TRPM1: variants seen among roughly 807,000 people sequenced by gnomAD.
TRPM1 encodes TRPM1-203 APA Isoform, Intron 10.
Under a neutral mutation model 149.4 loss-of-function variants are expected in TRPM1, and 113 were observed. The ratio of observed to expected loss-of-function variants is 0.76; its 90% CI spans 0.65 to 0.88. The LOEUF is 0.88. Among genes scored for constraint, TRPM1 ranks in the 40% least tolerant of loss-of-function variants. TRPM1 has a pLI of 0.00. For missense variants in TRPM1, 1,976 were observed against 2,038.7 expected, an observed-to-expected ratio of 0.97 and a Z score of 0.59; for synonymous variants, 741 against 759.5, an observed-to-expected ratio of 0.98 and a Z score of 0.40.
chr15:31,122,791 C>T (rs1395966561), intron 1 of TRPM1, among the ~76,000 whole-genome samples: 1 of 152,124 alleles, frequency 6.6e-6, no homozygotes, highest in Non-Finnish European at 1.5e-5. Flanking sequence ...CCAGTCAAAA[C>T]CCCAGCAAGT....
chr15:31,010,189 A>C (rs2032132749), intron 27 of TRPM1, among the ~76,000 whole-genome samples: 1 of 152,224 alleles, frequency 6.6e-6, no homozygotes, highest in African/African-American at 2.4e-5. Context: ...TTGTTTTAGC[A>C]GGTGATCAAC....
chr15:31,039,599 CA>C (rs2033545767), intron 18 of TRPM1, among the ~76,000 whole-genome samples: 1 of 152,196 alleles, frequency 6.6e-6, no homozygotes, highest in South Asian at 2.1e-4. Context: ...GGTTTGATTG[CA>C]ATATAATTTT....
At chr15:31,037,582 G>A (rs2033450429) in intron 20 of TRPM1, 129 bp downstream of exon 20, 4 of 1,299,408 alleles carry the variant, frequency 3.1e-6, no homozygotes, top group South Asian at 2.5e-5. Context: ...TCCCAGTTTT[G>A]TTCTCATAAT....
At chr15:31,089,460 G>C (rs1402078756) in intron 1 of TRPM1, among the ~76,000 whole-genome samples, 1 of 152,224 alleles carries the variant, frequency 6.6e-6, no homozygotes, top group African/African-American at 2.4e-5. Context: ...ACCATGGCCT[G>C]CTGACCTTAG....
chr15:31,151,857 C>G (rs1019742365), intron 1 of TRPM1, among the ~76,000 whole-genome samples: 2 of 152,232 alleles, frequency 1.3e-5, no homozygotes, highest in Admixed American at 1.3e-4. Context: ...CACCTCCTGG[C>G]CTTGGCTGAG....
intron 1 of TRPM1, among the ~76,000 whole-genome samples, chr15:31,118,068 C>A (rs974267543): frequency 2.0e-5 from 3 of 152,136 alleles, no homozygotes; most frequent in Non-Finnish European, 2.9e-5. Flanking sequence ...CAAGACCAGC[C>A]TGGCCAACGT....
chr15:31,147,780 G>GA (rs1408454829), intron 1 of TRPM1, among the ~76,000 whole-genome samples: 1 of 152,140 alleles, frequency 6.6e-6, no homozygotes, highest in Non-Finnish European at 1.5e-5. Flanking sequence ...GACTGATGTG[G>GA]AAAAAAACCT....
chr15:31,066,926 A>G (rs2034392394), intron 6 of TRPM1, 137 bp downstream of exon 6: 2 of 1,152,724 alleles, frequency 1.7e-6, no homozygotes, highest in Non-Finnish European at 2.5e-6. Context: ...GTTTTGCAAG[A>G]TGTTACCATT....
chr15:31,121,831 C>T (rs1193412711), intron 1 of TRPM1, among the ~76,000 whole-genome samples: 2 of 152,026 alleles, frequency 1.3e-5, no homozygotes. Context: ...GCCAGCATTT[C>T]CCTAATATCA....
At chr15:31,077,284 G>A in intron 2 of TRPM1, among the ~76,000 whole-genome samples, 1 of 152,188 alleles carries the variant, frequency 6.6e-6, no homozygotes, top group East Asian at 1.9e-4. Context: ...GAGATAAACT[G>A]CAGTGCAAGT....
intron 20 of TRPM1, 47 bp downstream of exon 20, chr15:31,037,664 A>T: frequency 1.2e-6 from 2 of 1,613,546 alleles, no homozygotes; most frequent in Non-Finnish European, 1.7e-6. Flanking sequence ...AACATATCAA[A>T]GCATTCAAAA....
Position 31,040,081 on chromosome 15 carries a change from T to C in TRPM1, c.2316+37A>G. ...AGCCTGGCAGAGAGTCACTTGTCAC[T>C]GTCACCCTGGCCCGCCTCGCAGCAC... is the stretch of plus-strand genomic sequence containing the variant. On this transcript the variant is annotated intron_variant, in intron 18 of 27. Coordinates refer to ENST00000256552, the MANE Select transcript of TRPM1 (RefSeq NM_001252024.2). The surrounding 1 kb of genome is among the most constrained non-coding windows in gnomAD (Gnocchi z 4.2). 6 of 1,590,876 alleles carry C rather than the reference T, an allele frequency of 3.8e-6. No homozygotes were observed. Among genetic ancestry groups the C allele is most frequent in the Non-Finnish European group, 5.2e-6 (6 of 1,159,058 alleles).
chr15:31,033,744 C>A (rs1367784276), intron 21 of TRPM1, among the ~76,000 whole-genome samples: 1 of 151,850 alleles, frequency 6.6e-6, no homozygotes, highest in Non-Finnish European at 1.5e-5. Flanking sequence ...TAACTGGGGG[C>A]AGGTTTCTGG....
chr15:31,056,165 C>T (rs775981853), intron 11 of TRPM1, among the ~76,000 whole-genome samples: 8 of 152,042 alleles, frequency 5.3e-5, no homozygotes, highest in East Asian at 3.8e-4. Context: ...CGAAAATGGA[C>T]GGTCAGTCTG....
intron 1 of TRPM1, among the ~76,000 whole-genome samples, chr15:31,113,205 A>T (rs4041971): frequency 0.61 from 93,232 of 151,880 alleles, 28,800 homozygotes; most frequent in East Asian, 0.74. Context: ...GTGAATGGTA[A>T]CTCACAGGAG....
chr15:31,032,989 T>A (rs1453254725), intron 21 of TRPM1, 49 bp from the exon 22 acceptor site: 1 of 1,611,646 alleles, frequency 6.2e-7, no homozygotes, highest in Non-Finnish European at 8.5e-7. Flanking sequence ...GTATTAGAAG[T>A]CTTGTCTTAG....
intron 1 of TRPM1, among the ~76,000 whole-genome samples, chr15:31,155,158 T>A (rs2141065549): frequency 6.6e-6 from 1 of 152,270 alleles, no homozygotes. Context: ...ACATGAAACT[T>A]CCCTGGGTTC....
chr15:31,108,149 C>T (rs142326122), intron 1 of TRPM1, among the ~76,000 whole-genome samples: 63 of 111,210 alleles, frequency 5.7e-4, no homozygotes, highest in African/African-American at 2.1e-3. Context: ...TGAGCCACCA[C>T]GCCTGTCCAA....
chr15:31,148,648 A>T (rs1215423518), intron 1 of TRPM1, among the ~76,000 whole-genome samples: 2 of 152,128 alleles, frequency 1.3e-5, no homozygotes, highest in Non-Finnish European at 2.9e-5. Flanking sequence ...AGTGGCATGC[A>T]CCTGTCTATT....
Sources: gnomAD v4.1 joint callset for allele counts (sites outside exome capture counted in the v4.1 genomes callset) on GRCh38, gnomAD v4.1.1 for gene constraint, Gnocchi (gnomAD v3.1) non-coding constraint, MANE v1.5 for transcripts, NCBI Gene and HGNC (gene_info 2026-07-23, HGNC 2026-07-21) for gene names.